CSMD1: variants seen among roughly 807,000 people sequenced by gnomAD.
The protein encoded by CSMD1 is CUB and Sushi multiple domains 1, also known as CUB and sushi domain-containing protein 1.
A neutral mutation model predicts 417.5 loss-of-function variants in CSMD1; 213 were observed. The observed-to-expected ratio is 0.51, with a 90% CI of 0.46 to 0.57. The LOEUF is 0.57. Ranked by LOEUF, CSMD1 falls within the 20% of genes least tolerant of loss-of-function variation. The pLI, the probability that CSMD1 is intolerant of heterozygous loss-of-function variation, is 0.00. For synonymous variants in CSMD1, 2,862 were observed against 1,736.8 expected (o/e 1.65, Z -16.11); for missense variants, 6,923 against 4,529.7 (o/e 1.53, Z -15.17).
chr8:4,707,304 G>T (rs993313427), intron 1 of CSMD1, among the ~76,000 whole-genome samples: 7 of 152,110 alleles, frequency 4.6e-5, no homozygotes, highest in Non-Finnish European at 7.4e-5. Context: ...TTGAAGCTTG[G>T]AGAAGTTAAA....
chr8:3,353,250 G>C (rs1563302301), intron 21 of CSMD1, among the ~76,000 whole-genome samples: 1 of 152,184 alleles, frequency 6.6e-6, no homozygotes, highest in Non-Finnish European at 1.5e-5. Flanking sequence ...TTTACAAAAT[G>C]TTCTTTGAAG....
At chr8:3,459,706 G>C (rs191872692) in intron 12 of CSMD1, among the ~76,000 whole-genome samples, 1 of 152,044 alleles carries the variant, frequency 6.6e-6, no homozygotes, top group African/African-American at 2.4e-5. Flanking sequence ...ATTGGGTTCC[G>C]AAAGGTCATC....
intron 1 of CSMD1, among the ~76,000 whole-genome samples, chr8:4,780,695 T>G (rs963100317): frequency 6.6e-6 from 1 of 152,164 alleles, no homozygotes; most frequent in Non-Finnish European, 1.5e-5. Flanking sequence ...GCACCATGTA[T>G]GTTGTCTTTT....
chr8:4,183,474 T>C (rs1454530603), intron 3 of CSMD1, among the ~76,000 whole-genome samples: 4 of 152,238 alleles, frequency 2.6e-5, no homozygotes, highest in Admixed American at 6.5e-5. Context: ...GTTCTTCAAT[T>C]GGAGGTGAAA....
chr8:3,348,171 A>G lies in CSMD1; in HGVS notation c.3305-10T>C, dbSNP rs762132405. ...CTTGCTCCACATTCGGCTACAATAA[A>G]TAGGACATGAGAGAAAGAGGATTCA... On this transcript the variant is annotated splice_polypyrimidine_tract_variant and intron_variant, in intron 21 of 69. Transcript: ENST00000635120. 6 of 1,607,108 alleles carry G rather than the reference A, an allele frequency of 3.7e-6. No homozygotes were observed. In the South Asian group the frequency reaches 4.5e-5, roughly 12 times the overall value.
At chr8:4,419,240 C>T (rs536699713) in intron 3 of CSMD1, among the ~76,000 whole-genome samples, 8 of 152,232 alleles carry the variant, frequency 5.3e-5, no homozygotes, top group South Asian at 2.1e-4. Context: ...TCTTGTATTA[C>T]GTGTAAAAGG....
At chr8:4,820,664 G>C (rs1799472193) in intron 1 of CSMD1, among the ~76,000 whole-genome samples, 1 of 152,142 alleles carries the variant, frequency 6.6e-6, no homozygotes, top group African/African-American at 2.4e-5. Context: ...CCTGTGCTTT[G>C]CCATCATTCA....
chr8:3,735,839 A>G (rs2129048907), intron 6 of CSMD1, among the ~76,000 whole-genome samples: 1 of 152,360 alleles, frequency 6.6e-6, no homozygotes, highest in Non-Finnish European at 1.5e-5. Flanking sequence ...GAAAATATGC[A>G]TTGATTTCCT....
chr8:4,549,742 C>A (rs900425173), intron 2 of CSMD1, among the ~76,000 whole-genome samples: 1 of 151,306 alleles, frequency 6.6e-6, no homozygotes, highest in Non-Finnish European at 1.5e-5. Flanking sequence ...TCTATAAATA[C>A]AAAAATTAGC....
At chr8:3,225,743 T>C (rs528639437) in intron 27 of CSMD1, among the ~76,000 whole-genome samples, 1 of 152,302 alleles carries the variant, frequency 6.6e-6, no homozygotes, top group African/African-American at 2.4e-5. Flanking sequence ...AATGAGGTGA[T>C]TTAAAAGCTG....
At chr8:3,758,122 C>T (rs968415833) in intron 5 of CSMD1, among the ~76,000 whole-genome samples, 20 of 152,056 alleles carry the variant, frequency 1.3e-4, no homozygotes, top group Admixed American at 6.5e-5. Context: ...GGCCACCACA[C>T]CTGGCTAATT....
intron 2 of CSMD1, among the ~76,000 whole-genome samples, chr8:4,564,923 A>G (rs1798518625): frequency 1.3e-5 from 2 of 152,218 alleles, no homozygotes; most frequent in Admixed American, 6.5e-5. Flanking sequence ...GATATAGTTA[A>G]TAGCGGCTTT....
intron 5 of CSMD1, among the ~76,000 whole-genome samples, chr8:3,953,989 G>T (rs1057000084): frequency 1.3e-5 from 2 of 152,176 alleles, no homozygotes; most frequent in African/African-American, 4.8e-5. Flanking sequence ...CCTTCCTCTG[G>T]TGGTGATGCC....
intron 3 of CSMD1, among the ~76,000 whole-genome samples, chr8:4,273,598 G>A (rs978674553): frequency 6.6e-6 from 1 of 152,092 alleles, no homozygotes; most frequent in Non-Finnish European, 1.5e-5. Flanking sequence ...TCGTTCATTT[G>A]AAATTCAAAT....
chr8:4,959,894 T>G (rs1307091826), intron 1 of CSMD1, among the ~76,000 whole-genome samples: 1 of 152,210 alleles, frequency 6.6e-6, no homozygotes, highest in Non-Finnish European at 1.5e-5. Flanking sequence ...TCATTAGAAT[T>G]GCAACAACAA....
rs1811124084 is a variant in CSMD1 at position 3,388,094 on chromosome 8, GT to G, written c.2594-413del. Reference sequence around the variant, plus strand: ...TGTACTTCTATATTTATATATTCCAGTTAGATTTTGGCAGTTTAACTTTCAA... The same window carrying G: ...TGTACTTCTATATTTATATATTCCAGTAGATTTTGGCAGTTTAACTTTCAA... On this transcript the variant is annotated intron_variant, in intron 17 of 69. Coordinates refer to ENST00000635120, the MANE Select transcript of CSMD1 (RefSeq NM_033225.6). Among the ~76,000 whole-genome samples the G allele has an allele frequency of 2.0e-5, 3 of 151,990 alleles. 1 individual carries two copies. The South Asian group carries it at 6.2e-4, about 32-fold the overall frequency.
chr8:4,828,171 A>G (rs1799943656), intron 1 of CSMD1, among the ~76,000 whole-genome samples: 1 of 152,152 alleles, frequency 6.6e-6, no homozygotes, highest in South Asian at 2.1e-4. Flanking sequence ...CCACAAATAC[A>G]GAGCTCATTT....
At chr8:4,765,872 G>A (rs1456079724) in intron 1 of CSMD1, among the ~76,000 whole-genome samples, 1 of 152,206 alleles carries the variant, frequency 6.6e-6, no homozygotes, top group Non-Finnish European at 1.5e-5. Flanking sequence ...TGGCCCAGAA[G>A]CTAATCTGTT....
At chr8:4,046,121 T>C (rs1253302030) in intron 3 of CSMD1, among the ~76,000 whole-genome samples, 1 of 152,156 alleles carries the variant, frequency 6.6e-6, no homozygotes. Flanking sequence ...ATAGCTCATA[T>C]ATATCTGATA....
Sources: gnomAD v4.1 joint callset for allele counts (sites outside exome capture counted in the v4.1 genomes callset) on GRCh38, gnomAD v4.1.1 for gene constraint, MANE v1.5 for transcripts, NCBI Gene and HGNC (gene_info 2026-07-23, HGNC 2026-07-21) for gene names.